HIF1A: variants seen among roughly 807,000 people sequenced by gnomAD.
The protein encoded by HIF1A is hypoxia-inducible factor 1-alpha.
A neutral mutation model predicts 92.7 loss-of-function variants in HIF1A; 24 were observed. The observed-to-expected ratio is 0.26, with a 90% CI of 0.19 to 0.36. HIF1A has a LOEUF of 0.36. Ranked by LOEUF, HIF1A falls within the 10% of genes least tolerant of loss-of-function variation. HIF1A has a pLI of 1.00. For missense variants in HIF1A, 799 were observed against 998.5 expected (o/e 0.80, Z 2.69); for synonymous variants, 319 against 338.7 (o/e 0.94, Z 0.64).
chr14:61,706,703 C>T (rs1328602973), intron 1 of HIF1A, among the ~76,000 whole-genome samples: 4 of 152,102 alleles, frequency 2.6e-5, no homozygotes, highest in African/African-American at 4.8e-5. Context: ...GGGACCCATT[C>T]GCCAGAGATT....
At chr14:61,705,326 G>C (rs2044227301) in intron 1 of HIF1A, among the ~76,000 whole-genome samples, 1 of 152,112 alleles carries the variant, frequency 6.6e-6, no homozygotes, top group Admixed American at 6.6e-5. Flanking sequence ...AGATGATGTA[G>C]AATATGCCTT....
At chr14:61,697,859 C>T (rs2044134183) in intron 1 of HIF1A, 2 of 1,512,666 alleles carry the variant, frequency 1.3e-6, no homozygotes, top group Non-Finnish European at 1.8e-6. Context: ...AAATGAGCTC[C>T]CAATGTCGGA....
intron 1 of HIF1A, chr14:61,717,108 T>G (rs1289204779): frequency 6.6e-6 from 1 of 152,214 alleles, no homozygotes; most frequent in Admixed American, 6.5e-5. Flanking sequence ...CTGATCTACA[T>G]ATCTTCTGTT....
rs764342882 is a variant in HIF1A at position 61,746,965 on chromosome 14, G to A, written c.2361G>A (p.Met787Ile). The A allele has an allele frequency of 5.6e-6, 9 of 1,612,486 alleles. No homozygotes were observed. The highest frequency in any genetic ancestry group is 6.8e-6 in the Non-Finnish European group (8 of 1,179,380). ...DLACRLLGQS[M>I]DESGLPQLTS... is the part of the protein sequence containing the mutation. The stretch of plus-strand genomic sequence containing the variant: ...CATGTAGACTGCTGGGGCAATCAAT[G>A]GATGAAAGTGGATTACCACAGCTGA... Residue 787 changes from methionine (M) to isoleucine (I), a missense_variant, in exon 15 of 15, where the codon ATG becomes ATA. Around this residue, in one of 2 missense-constraint regions of HIF1A, gnomAD observed 283 missense variants for 277.5 expected, o/e 1.02. Coordinates refer to ENST00000337138, the MANE Select transcript of HIF1A (RefSeq NM_001530.4).
intron 12 of HIF1A, among the ~76,000 whole-genome samples, chr14:61,744,375 T>C (rs955442868): frequency 2.6e-5 from 4 of 151,956 alleles, no homozygotes; most frequent in African/African-American, 9.7e-5. Flanking sequence ...AATATGTATA[T>C]ATAAATTAGT....
chr14:61,695,929 T>C, intron 1 of HIF1A, 90 bp downstream of exon 1: 1 of 1,252,422 alleles, frequency 8.0e-7, no homozygotes. Flanking sequence ...TCGGCGTTAA[T>C]GGGATTGGGG....
At chr14:61,720,215 C>T (rs1053535761) in intron 1 of HIF1A, among the ~76,000 whole-genome samples, 167 bp from the exon 2 acceptor site, 3 of 151,772 alleles carry the variant, frequency 2.0e-5, no homozygotes, top group Admixed American at 2.0e-4. Flanking sequence ...GTATAGTTGC[C>T]CTTTATAAAA....
At chr14:61,697,868 G>T in intron 1 of HIF1A, 1 of 1,519,470 alleles carries the variant, frequency 6.6e-7, no homozygotes, top group South Asian at 1.2e-5. Context: ...CCCAATGTCG[G>T]AGTTTGGAAA....
At position 61,720,590 on chromosome 14, in the gene HIF1A, G is replaced by A; in HGVS notation, c.226+18G>A. 2 of 1,452,984 alleles carry A rather than the reference G, an allele frequency of 1.4e-6. No individual in the cohort carries two copies. Among genetic ancestry groups the A allele is most frequent in the African/African-American group, 1.4e-5 (1 of 69,570 alleles). The allele number at this position is 1,452,984 out of a possible 1,614,324, so 90.0% of individuals were successfully genotyped here. ...GGATGCTGGTGAGTTATTTTACAAG[G>A]GTATAAATAGGCCTGAAAATTAGAA... On this transcript the variant is annotated intron_variant, in intron 2 of 14. Coordinates refer to ENST00000337138, the MANE Select transcript of HIF1A (RefSeq NM_001530.4).
chr14:61,709,994 C>T (rs1199597685), intron 1 of HIF1A, among the ~76,000 whole-genome samples: 2 of 152,102 alleles, frequency 1.3e-5, no homozygotes, highest in African/African-American at 4.8e-5. Flanking sequence ...TATTTGTAAA[C>T]TTTGCTAACA....
At chr14:61,703,759 C>T (rs1286325811) in intron 1 of HIF1A, among the ~76,000 whole-genome samples, 1 of 152,046 alleles carries the variant, frequency 6.6e-6, no homozygotes, top group East Asian at 1.9e-4. Flanking sequence ...CTTATTGTAG[C>T]ATATTTGATG....
At chr14:61,722,103 T>A (rs200392257) in intron 4 of HIF1A, among the ~76,000 whole-genome samples, 2 of 130,704 alleles carry the variant, frequency 1.5e-5, no homozygotes, top group South Asian at 2.5e-4. Flanking sequence ...TTTTTTTTTT[T>A]AAGATGGGGT....
intron 1 of HIF1A, among the ~76,000 whole-genome samples, chr14:61,702,832 C>T (rs1276508278): frequency 1.3e-5 from 2 of 152,186 alleles, no homozygotes; most frequent in Non-Finnish European, 2.9e-5. Context: ...TTTCTCAATT[C>T]TGTGTTACAT....
rs532181605 is a variant in HIF1A at position 61,747,275 on chromosome 14, A to G, written c.*190A>G. 1 of 409,242 alleles carries G rather than the reference A, an allele frequency of 2.4e-6. No homozygotes were observed. The highest frequency in any genetic ancestry group is 3.7e-5 in the East Asian group (1 of 27,078). 25.4% of individuals were successfully genotyped at this position (409,242 alleles called of 1,614,324 possible). On this transcript the variant is annotated 3_prime_UTR_variant, in exon 15 of 15. Coordinates refer to ENST00000337138, the MANE Select transcript of HIF1A (RefSeq NM_001530.4). ...TTTTTAGTATGTTCTTTAATGCTGGATCACAGACAGCTCATTTTCTCAGTT... is the reference window on the plus strand; with the variant it reads ...TTTTTAGTATGTTCTTTAATGCTGGGTCACAGACAGCTCATTTTCTCAGTT...
chr14:61,732,671 G>C (rs936657121), intron 7 of HIF1A, 147 bp downstream of exon 7: 18 of 465,072 alleles, frequency 3.9e-5, no homozygotes, highest in Non-Finnish European at 6.2e-5. Context: ...TGACCATTTT[G>C]TGTTTTGTAT....
rs1241238933 is a variant in HIF1A, at chr14:61,736,826, C to G, written c.1029-63C>G. ...ATTTTTTAAGAGACCATTTCACAGT[C>G]TCCCTTCCCCTCACTGTATCAAGTG... On this transcript the variant is annotated intron_variant, in intron 8 of 14. Coordinates refer to ENST00000337138, the MANE Select transcript of HIF1A (RefSeq NM_001530.4). 3.6e-6 allele frequency: 4 copies of G among 1,124,480 alleles called. No homozygotes were observed. In the African/African-American group the frequency reaches 6.2e-5, roughly 17 times the overall value. The allele number at this position is 1,124,480 out of a possible 1,614,324, so 69.7% of individuals were successfully genotyped here.
chr14:61,746,565 G>A (rs924957844), intron 14 of HIF1A, among the ~76,000 whole-genome samples: 1 of 151,456 alleles, frequency 6.6e-6, no homozygotes, highest in Non-Finnish European at 1.5e-5. Context: ...CACCACACCC[G>A]GTTGCTTTTT....
intron 6 of HIF1A, among the ~76,000 whole-genome samples, chr14:61,730,696 C>T (rs2140146017): frequency 6.6e-6 from 1 of 152,254 alleles, no homozygotes; most frequent in East Asian, 1.9e-4. Flanking sequence ...CTGCATTTAT[C>T]ACATTATTTC....
intron 1 of HIF1A, among the ~76,000 whole-genome samples, chr14:61,717,787 C>T (rs993960295): frequency 1.3e-5 from 2 of 151,894 alleles, no homozygotes; most frequent in African/African-American, 2.4e-5. Context: ...TTTGGGAGGC[C>T]GAGGCGGGTG....
Sources: allele counts gnomAD v4.1 joint callset (sites outside exome capture counted in the v4.1 genomes callset), GRCh38; gene constraint gnomAD v4.1.1; regional missense constraint gnomAD v4.1.1; transcripts MANE v1.5; gene names NCBI Gene and HGNC (gene_info 2026-07-23, HGNC 2026-07-21).